STRAP: variants seen among roughly 807,000 people sequenced by gnomAD.
STRAP encodes the protein serine-threonine kinase receptor-associated protein.
A neutral mutation model predicts 47.0 loss-of-function variants in STRAP; 16 were observed. That is an observed-to-expected ratio of 0.34 (90% CI 0.23 to 0.52). STRAP has a LOEUF of 0.52. Among genes scored for constraint, STRAP ranks in the 20% least tolerant of loss-of-function variants. The pLI, the probability that STRAP is intolerant of heterozygous loss-of-function variation, is 0.96. For synonymous variants in STRAP, 130 were observed against 142.7 expected (o/e 0.91, Z 0.63); for missense variants, 293 against 420.0 (o/e 0.70, Z 2.64).
intron 7 of STRAP, among the ~76,000 whole-genome samples, chr12:15,899,444 G>A (rs1469429744): frequency 3.9e-5 from 6 of 152,180 alleles, no homozygotes; most frequent in Middle Eastern, 3.4e-3. Flanking sequence ...AATAATTAGT[G>A]GACTGTAGGA....
At chr12:15,898,244 A>C (rs1183274331) in intron 7 of STRAP, 3 of 264,730 alleles carry the variant, frequency 1.1e-5, no homozygotes, top group African/African-American at 6.9e-5. Context: ...TTATCCTTTT[A>C]ACTAAAGTTC....
At chr12:15,883,026 CTA>C in intron 1 of STRAP, 1 of 1,525,696 alleles carries the variant, frequency 6.6e-7, no homozygotes, top group Non-Finnish European at 8.8e-7. Flanking sequence ...TTTGTAGAAA[CTA>C]TTACCTCCAA....
intron 2 of STRAP, among the ~76,000 whole-genome samples, chr12:15,885,991 G>C (rs1270559546): frequency 2.6e-5 from 4 of 152,084 alleles, no homozygotes; most frequent in African/African-American, 9.7e-5. Flanking sequence ...TATGGCTAAA[G>C]CCTTCAAACT....
At chr12:15,882,963 C>A in intron 1 of STRAP, 144 bp downstream of exon 1, 3 of 1,350,474 alleles carry the variant, frequency 2.2e-6, no homozygotes, top group South Asian at 1.3e-5. Flanking sequence ...AACACTGGTC[C>A]GGTGGAGAAA....
At chr12:15,897,203 G>T (rs568459088) in intron 6 of STRAP, among the ~76,000 whole-genome samples, 24 of 152,220 alleles carry the variant, frequency 1.6e-4, no homozygotes, top group African/African-American at 5.5e-4. Context: ...TTTAGGAGCT[G>T]GGATACTATA....
intron 6 of STRAP, among the ~76,000 whole-genome samples, chr12:15,895,861 TG>T (rs1449220479): frequency 2.4e-5 from 3 of 124,392 alleles, no homozygotes; most frequent in East Asian, 4.4e-4. Flanking sequence ...AAACCTCCTC[TG>T]AAAAAAAAAA....
chr12:15,896,997 G>A lies in STRAP; in HGVS notation c.639-885G>A, dbSNP rs1948065002. Among the ~76,000 whole-genome samples, 1 of 152,180 alleles carries A rather than the reference G, an allele frequency of 6.6e-6. No homozygotes were observed. ...TAAACTGATAGTAGTAGAATACTAT[G>A]GCCTGGAGCCATCAATTGGTTTATT... On this transcript the variant is annotated intron_variant, in intron 6 of 9. Transcript: ENST00000419869. The surrounding 1 kb of genome is among the most constrained non-coding windows in gnomAD (Gnocchi z 4.1).
Position 15,884,864 on chromosome 12 carries a change from A to G in STRAP, c.248+1188A>G, listed in dbSNP as rs184741556. ...GGCCCTTTACAGTTTGCTTCATCCT[A>G]GTTCATCAGCATCATCCTCTGCCAT... On this transcript the variant is annotated intron_variant, in intron 2 of 9. Coordinates refer to ENST00000419869, the MANE Select transcript of STRAP (RefSeq NM_007178.4). 1.2e-4 allele frequency among the ~76,000 whole-genome samples: 19 copies of G among 152,290 alleles called. 1 individual carries two copies. Among genetic ancestry groups the G allele is most frequent in the African/African-American group, 4.6e-4 (19 of 41,556 alleles).
rs778037641 is a variant in STRAP at position 15,890,729 on chromosome 12, T to C, written c.403+60T>C. On this transcript the variant is annotated intron_variant, in intron 4 of 9. Coordinates refer to ENST00000419869, the MANE Select transcript of STRAP (RefSeq NM_007178.4). The surrounding 1 kb of genome is among the most constrained non-coding windows in gnomAD (Gnocchi z 4.5). ...TTTTCTTTTAATTTAAATAACTGAT[T>C]AAAGAATTTCATGCTCAGTACTCAA... 7.7e-6 allele frequency: 11 copies of C among 1,424,714 alleles called. No homozygotes were observed. The highest frequency in any genetic ancestry group is 1.1e-5 in the Non-Finnish European group (11 of 1,033,136). 88.3% of individuals were successfully genotyped at this position (1,424,714 alleles called of 1,614,324 possible). A position where few individuals can be genotyped will look rare whatever the true frequency, so the allele number is the denominator to read the frequency against.
chr12:15,883,038 A>G, intron 1 of STRAP: 3 of 1,533,586 alleles, frequency 2.0e-6, no homozygotes, highest in South Asian at 1.2e-5. Context: ...ATTACCTCCA[A>G]CTAAGACCTC....
chr12:15,884,991 CTTGCAGTGGCCCTCG>C (rs1423345315), intron 2 of STRAP, among the ~76,000 whole-genome samples: 2 of 152,088 alleles, frequency 1.3e-5, no homozygotes, highest in Non-Finnish European at 2.9e-5. Context: ...ATTAAACTGA[CTTGCAGTGGCCCTCG>C]TTGCCTTTTT....
intron 2 of STRAP, among the ~76,000 whole-genome samples, 169 bp from the exon 3 acceptor site, chr12:15,889,759 A>G (rs1947999738): frequency 6.6e-6 from 1 of 152,218 alleles, no homozygotes; most frequent in East Asian, 1.9e-4. Context: ...TAAATATTTT[A>G]TCAAATGAAG....
At chr12:15,883,201 C>T in intron 1 of STRAP, 9 of 1,409,766 alleles carry the variant, frequency 6.4e-6, no homozygotes, top group Non-Finnish European at 8.7e-6. Context: ...TCGCTCTTGT[C>T]TCACTGGATA....
chr12:15,902,398 G>A (rs768293761), intron 9 of STRAP, among the ~76,000 whole-genome samples: 1 of 152,168 alleles, frequency 6.6e-6, no homozygotes, highest in African/African-American at 2.4e-5. Flanking sequence ...GAAGAAATAT[G>A]CAGATTGCTG....
chr12:15,891,060 C>T (rs1333616878), intron 4 of STRAP, among the ~76,000 whole-genome samples: 1 of 125,066 alleles, frequency 8.0e-6, no homozygotes. Flanking sequence ...AACTCAGTTT[C>T]AAAAAAAAAA....
Position 15,895,468 on chromosome 12 carries a change from C to T in STRAP, c.610C>T (p.Arg204Ter). 1 of 1,605,998 alleles carries T rather than the reference C, an allele frequency of 6.2e-7. No homozygotes were observed. Among genetic ancestry groups the T allele is most frequent in the South Asian group, 1.1e-5 (1 of 88,990 alleles). Residue 204 changes from arginine to a stop codon, truncating the protein, a stop_gained, in exon 6 of 10, where the codon CGA becomes TGA. Transcript: ENST00000419869. LOFTEE classifies it high-confidence loss of function. ...AGAGATTTTGGTTATAACTTATGGA[C>T]GATCTATTGCTTTTCATAGTGCAGT... ...EGEILVITYG[R>*]SIAFHSAVSL...
rs1948005598 is a variant in STRAP at position 15,890,487 on chromosome 12, C to G, written c.331-110C>G. 4 of 890,256 alleles carry G rather than the reference C, an allele frequency of 4.5e-6. No individual in the cohort carries two copies. Among genetic ancestry groups the G allele is most frequent in the Admixed American group, 2.3e-5 (1 of 42,716 alleles). 55.1% of individuals were successfully genotyped at this position (890,256 alleles called of 1,614,324 possible). ...GAAGTAATTGGTTATGTCTTGGCAT[C>G]TCTTTGTGATGTCTGTGAGCTAGAT... On this transcript the variant is annotated intron_variant, in intron 3 of 9. Coordinates refer to ENST00000419869, the MANE Select transcript of STRAP (RefSeq NM_007178.4). The surrounding 1 kb of genome is among the most constrained non-coding windows in gnomAD (Gnocchi z 4.5).
In STRAP at chr12:15,890,538, T is replaced by G. The variant is rs1948005975; in HGVS notation, c.331-59T>G. On this transcript the variant is annotated intron_variant, in intron 3 of 9. Transcript: ENST00000419869. This position sits in a 1 kb window ranked among gnomAD's most constrained non-coding sequence, Gnocchi z 4.5. ...TTTGATTTTATTTGGTGTTGAAATTTGAAAGAGAAATAACTATTAAAATGG... is the reference window on the plus strand; with the variant it reads ...TTTGATTTTATTTGGTGTTGAAATTGGAAAGAGAAATAACTATTAAAATGG... The G allele has an allele frequency of 7.1e-7, 1 of 1,403,460 alleles. No individual in the cohort carries two copies. The highest frequency in any genetic ancestry group is 1.0e-6 in the Non-Finnish European group (1 of 1,004,462). The allele number at this position is 1,403,460 out of a possible 1,614,324, so 86.9% of individuals were successfully genotyped here.
At chr12:15,883,062 T>C (rs1393740021) in intron 1 of STRAP, 8 of 1,535,532 alleles carry the variant, frequency 5.2e-6, no homozygotes, top group East Asian at 2.4e-5. Flanking sequence ...CCTTATTTTA[T>C]TTTTATTGCT....
Sources: allele counts gnomAD v4.1 joint callset (sites outside exome capture counted in the v4.1 genomes callset), GRCh38; gene constraint gnomAD v4.1.1; non-coding constraint Gnocchi (gnomAD v3.1); transcripts MANE v1.5; gene names NCBI Gene and HGNC (gene_info 2026-07-23, HGNC 2026-07-21).